Variants in HDAC9 observed in about 807,000 individuals in gnomAD.
HDAC9 encodes the protein MEF-2 interacting transcription repressor (MITR) protein.
Under a neutral mutation model 139.4 loss-of-function variants are expected in HDAC9, and 41 were observed. That is an observed-to-expected ratio of 0.29 (90% CI 0.23 to 0.38). HDAC9 has a LOEUF of 0.38. Ranked by LOEUF, HDAC9 falls within the 10% of genes least tolerant of loss-of-function variation. The pLI, the probability that HDAC9 is intolerant of heterozygous loss-of-function variation, is 1.00. For synonymous variants in HDAC9, 517 were observed against 476.2 expected (o/e 1.09, Z -1.12); for missense variants, 1,147 against 1,297.0 (o/e 0.88, Z 1.78).
chr7:18,523,276 A>G (rs148720934), intron 2 of HDAC9, among the ~76,000 whole-genome samples: 2 of 152,346 alleles, frequency 1.3e-5, no homozygotes, highest in East Asian at 3.9e-4. Flanking sequence ...TAGCTGCTGT[A>G]TAAAGGATGG....
intron 2 of HDAC9, among the ~76,000 whole-genome samples, chr7:18,570,228 T>G (rs1012711355): frequency 1.3e-5 from 2 of 152,146 alleles, no homozygotes; most frequent in Non-Finnish European, 2.9e-5. Flanking sequence ...CTCAATAGAA[T>G]TTTGTATAGC....
In HDAC9 at chr7:19,001,900, T is replaced by G. The variant is rs1256588297; in HGVS notation, c.*5838T>G. 1 of 152,142 alleles carries G rather than the reference T, an allele frequency of 6.6e-6. No homozygotes were observed. The highest frequency in any genetic ancestry group is 1.5e-5 in the Non-Finnish European group (1 of 67,978). The allele number at this position is 152,142 out of a possible 1,614,324, so 9.4% of individuals were successfully genotyped here. A position where few individuals can be genotyped will look rare whatever the true frequency, so the allele number is the denominator to read the frequency against. ...AACCAATATTTAGTACTTTTGTGAT[T>G]AAACATTCTAGACCAGGCTTGTTGA... On this transcript the variant is annotated 3_prime_UTR_variant, in exon 26 of 26. Transcript: ENST00000686413.
chr7:18,613,366 C>A (rs1326485959), intron 6 of HDAC9, among the ~76,000 whole-genome samples: 1 of 151,922 alleles, frequency 6.6e-6, no homozygotes, highest in Non-Finnish European at 1.5e-5. Context: ...TTTTTACTCA[C>A]ACTTAACACT....
intron 1 of HDAC9, among the ~76,000 whole-genome samples, chr7:18,332,089 A>G (rs903218887): frequency 2.0e-5 from 3 of 151,740 alleles, no homozygotes; most frequent in Non-Finnish European, 3.0e-5. Flanking sequence ...AAACAGTGCC[A>G]TCTATTTTCT....
At chr7:18,627,864 A>G (rs1026455051) in intron 6 of HDAC9, among the ~76,000 whole-genome samples, 4 of 152,184 alleles carry the variant, frequency 2.6e-5, no homozygotes, top group Non-Finnish European at 5.9e-5. Context: ...ATACAAAAAA[A>G]GTAGCTTTAT....
chr7:18,674,709 C>G (rs781700292), intron 12 of HDAC9, among the ~76,000 whole-genome samples: 1 of 151,912 alleles, frequency 6.6e-6, no homozygotes, highest in Non-Finnish European at 1.5e-5. Context: ...TGATTTTATT[C>G]TCACTTTTAT....
chr7:18,992,913 A>AACTT (rs1008434543), intron 25 of HDAC9, among the ~76,000 whole-genome samples: 46 of 152,280 alleles, frequency 3.0e-4, no homozygotes, highest in South Asian at 1.0e-3. Context: ...GTTATCTCCG[A>AACTT]ACTTACTGTC....
At chr7:18,972,432 G>C (rs1469230894) in intron 24 of HDAC9, among the ~76,000 whole-genome samples, 1 of 137,254 alleles carries the variant, frequency 7.3e-6, no homozygotes, top group Non-Finnish European at 1.5e-5. Flanking sequence ...CCAGTCTGGA[G>C]TGCAGTGGCA....
chr7:18,232,107 C>G (rs1189753302), intron 2 of HDAC9, among the ~76,000 whole-genome samples: 1 of 152,172 alleles, frequency 6.6e-6, no homozygotes, highest in Non-Finnish European at 1.5e-5. Context: ...AGCACACTTT[C>G]ACATTTAAAA....
intron 1 of HDAC9, among the ~76,000 whole-genome samples, chr7:18,146,389 A>G (rs1786329528): frequency 6.6e-6 from 1 of 152,194 alleles, no homozygotes; most frequent in Non-Finnish European, 1.5e-5. Flanking sequence ...ATTGAGACAT[A>G]AATTTATTTG....
rs114935357 is a variant in HDAC9, at chr7:18,349,695, A to C, written c.-42+59180A>C. ...CTTTGTTAAGTATACTTTTCTAAACAAAGTTCCTGACAAAAAAAAAAATGT... is the reference window on the plus strand; with the variant it reads ...CTTTGTTAAGTATACTTTTCTAAACCAAGTTCCTGACAAAAAAAAAAATGT... On this transcript the variant is annotated intron_variant, in intron 1 of 3. Coordinates refer to the HDAC9 transcript ENST00000413509. Among the ~76,000 whole-genome samples the C allele has an allele frequency of 9.5e-3, 1,450 of 152,232 alleles. 20 individuals carry two copies. The highest frequency in any genetic ancestry group is 0.032 in the African/African-American group (1,347 of 41,538).
chr7:18,568,050 A>G (rs1337115849), intron 2 of HDAC9, among the ~76,000 whole-genome samples: 1 of 144,116 alleles, frequency 6.9e-6, no homozygotes, highest in Non-Finnish European at 1.5e-5. Context: ...ATATATATAT[A>G]TATGTAAGCT....
At chr7:18,324,779 G>T (rs1400305964) in intron 1 of HDAC9, among the ~76,000 whole-genome samples, 1 of 152,130 alleles carries the variant, frequency 6.6e-6, no homozygotes, top group Non-Finnish European at 1.5e-5. Flanking sequence ...TGCCTTTGTG[G>T]TGCTTAGAGG....
At chr7:18,414,475 A>C (rs55921839) in intron 1 of HDAC9, among the ~76,000 whole-genome samples, 7,470 of 152,106 alleles carry the variant, frequency 0.049, 205 homozygotes, top group East Asian at 0.088. Context: ...AACTACAAGG[A>C]CATACCTTTC....
rs1236524860 is a variant in HDAC9, at chr7:18,190,188, A to G, written c.25+27839A>G. On this transcript the variant is annotated intron_variant, in intron 2 of 12. Coordinates refer to the HDAC9 transcript ENST00000417496. ...CAAAACTCCTGACCTCAGTTGTCCC[A>G]CCAATCTTACCCTCGCAAAGTGCTG... Among the ~76,000 whole-genome samples, 4 of 152,218 alleles carry G rather than the reference A, an allele frequency of 2.6e-5. No individual in the cohort carries two copies. The East Asian group carries it at 7.7e-4, about 29-fold the overall frequency.
chr7:18,507,187 A>ATTC (rs1408125729), intron 2 of HDAC9, among the ~76,000 whole-genome samples: 1 of 148,308 alleles, frequency 6.7e-6, no homozygotes, highest in Admixed American at 6.8e-5. Flanking sequence ...TATTATTATT[A>ATTC]TTATTATTAT....
At chr7:18,393,326 A>T (rs1392429160) in intron 1 of HDAC9, among the ~76,000 whole-genome samples, 2 of 152,144 alleles carry the variant, frequency 1.3e-5, no homozygotes, top group Non-Finnish European at 2.9e-5. Flanking sequence ...GAGGAGAGAT[A>T]ATCTTGACCA....
chr7:18,632,242 A>G (rs984126638), intron 7 of HDAC9, among the ~76,000 whole-genome samples: 23 of 152,158 alleles, frequency 1.5e-4, no homozygotes, highest in Admixed American at 1.4e-3. Flanking sequence ...AGATATATAG[A>G]CAGAAAGGCA....
chr7:18,489,531 C>T (rs113089497), intron 1 of HDAC9, among the ~76,000 whole-genome samples: 2,033 of 151,932 alleles, frequency 0.013, 45 homozygotes, highest in African/African-American at 0.046. Flanking sequence ...TTAGGGAAGA[C>T]TTGAAGAAAA....
Sources: gnomAD v4.1 joint callset for allele counts (sites outside exome capture counted in the v4.1 genomes callset) on GRCh38, gnomAD v4.1.1 for gene constraint, MANE v1.5 for transcripts, NCBI Gene and HGNC (gene_info 2026-07-23, HGNC 2026-07-21) for gene names.